Variants in GGTLC1 observed in about 807,000 individuals in gnomAD.
The protein encoded by GGTLC1 is glutathione hydrolase light chain 1.
Under a neutral mutation model 19.5 loss-of-function variants are expected in GGTLC1, and 14 were observed. That is an observed-to-expected ratio of 0.72 (90% CI 0.47 to 1.12). The LOEUF (loss-of-function observed/expected upper bound fraction) is 1.12. Ranked by LOEUF, GGTLC1 falls within the 50% of genes most tolerant of loss-of-function variation. The probability of loss-of-function intolerance (pLI) is 0.00; values close to 1 mark genes in which losing one functional copy is unlikely to be tolerated. For synonymous variants in GGTLC1, 110 were observed against 124.2 expected (o/e 0.89, Z 0.76); for missense variants, 304 against 309.2 (o/e 0.98, Z 0.13).
chr20:23,985,437 C>T (rs1257604490), intron 5 of GGTLC1, 75 bp from the exon 6 acceptor site: 31 of 1,610,516 alleles, frequency 1.9e-5, no homozygotes, highest in Non-Finnish European at 5.9e-6. Flanking sequence ...TGGTCACAGG[C>T]CTCAGCCCAG....
chr20:23,988,010 G>T (rs1988039722), intron 1 of GGTLC1, among the ~76,000 whole-genome samples: 1 of 109,484 alleles, frequency 9.1e-6, no homozygotes, highest in African/African-American at 3.8e-5. Context: ...CAGGCCACTG[G>T]AATCCAGGCT....
rs760816047 is a variant in GGTLC1 at position 23,985,726 on chromosome 20, G to A, written c.472C>T (p.Pro158Ser). ...GGCAGAAGCTGGTTGTGCAGCCGGG[G>A]CTCCTCCACGGCCCACTTCACGTCA... ...GYDVKWAVEEPRLHNQLLPNV... is the reference protein window; with the variant it reads ...GYDVKWAVEESRLHNQLLPNV... The change falls in exon 5 of 6, where the codon CCC (proline) becomes TCC (serine). Residue 158 changes from proline (P) to serine (S), a missense_variant. By Grantham distance (74) the Pro-to-Ser change is moderately conservative (BLOSUM62 -1). Transcript: ENST00000335694. 5.6e-6 allele frequency: 9 copies of A among 1,612,034 alleles called. No individual in the cohort carries two copies. The highest frequency in any genetic ancestry group is 1.7e-5 in the Admixed American group (1 of 60,024).
At chr20:23,986,344 G>T (rs1987911006) in intron 2 of GGTLC1, 92 bp downstream of exon 2, 1 of 1,598,750 alleles carries the variant, frequency 6.3e-7, no homozygotes, top group African/African-American at 1.3e-5. Context: ...ACCAGGAAAA[G>T]AGGTGATGGA....
Position 23,985,142 on chromosome 20 carries a change from C to T in GGTLC1, c.*74G>A. The T allele has an allele frequency of 2.5e-6, 4 of 1,603,052 alleles. No individual in the cohort carries two copies. Among genetic ancestry groups the T allele is most frequent in the Non-Finnish European group, 3.4e-6 (4 of 1,174,780 alleles). ...TGCTGCTCACAGGAGAAGCCTGTCC[C>T]CCAAAGTCCTCTTCCTCGTCCTGGT... is the stretch of plus-strand genomic sequence containing the variant. On this transcript the variant is annotated 3_prime_UTR_variant, in exon 6 of 6. Transcript: ENST00000335694.
intron 5 of GGTLC1, 119 bp downstream of exon 5, chr20:23,985,548 T>C: frequency 1.3e-6 from 2 of 1,588,950 alleles, no homozygotes; most frequent in Non-Finnish European, 1.7e-6. Context: ...GGGCTCCAGA[T>C]GGCCCAGGCA....
At chr20:23,985,479 G>C in intron 5 of GGTLC1, 117 bp from the exon 6 acceptor site, 3 of 1,601,940 alleles carry the variant, frequency 1.9e-6, no homozygotes, top group Non-Finnish European at 2.6e-6. Flanking sequence ...TCATCAGGAA[G>C]AGCAGGTTGG....
In GGTLC1 at chr20:23,986,542, A is replaced by C. The variant is rs1398930432; in HGVS notation, c.70T>G (p.Tyr24Asp). The change falls in exon 2 of 6, where the codon TAC (tyrosine) becomes GAC (aspartate). Residue 24 changes from tyrosine to aspartate, a missense_variant. Tyr to Asp is a radical substitution (Grantham distance 160). Coordinates refer to ENST00000335694, the MANE Select transcript of GGTLC1 (RefSeq NM_178311.3). ...GGCATGTAGAACTCGGGCTTGTAGTAGGAGATCGGGTGAGTGGTGTCGTCA... is the reference window on the plus strand; with the variant it reads ...GGCATGTAGAACTCGGGCTTGTAGTCGGAGATCGGGTGAGTGGTGTCGTCA... Reference protein sequence around the residue: ...ISDDTTHPISYYKPEFYMPDD... With the variant: ...ISDDTTHPISDYKPEFYMPDD... 5.0e-6 allele frequency: 8 copies of C among 1,611,172 alleles called. No homozygotes were observed. The African/African-American group carries it at 9.4e-5, about 19-fold the overall frequency.
At chr20:23,987,695 A>T (rs1320015815) in intron 1 of GGTLC1, among the ~76,000 whole-genome samples, 1 of 151,818 alleles carries the variant, frequency 6.6e-6, no homozygotes, top group African/African-American at 2.4e-5. Context: ...CAAGGAGGAG[A>T]CAGAGAGGAT....
intron 5 of GGTLC1, 83 bp from the exon 6 acceptor site, chr20:23,985,445 C>A: frequency 6.2e-7 from 1 of 1,609,696 alleles, no homozygotes; most frequent in Non-Finnish European, 8.5e-7. Context: ...GGCCTCAGCC[C>A]AGGTGGTGCC....
In GGTLC1 at chr20:23,985,856, A is replaced by T. The variant is rs747394992; in HGVS notation, c.417+6T>A. ...CACGGCCAGGGAGAAAAGGTGTGAC[A>T]CATACCAGTGCAGTGGCCATGGTGA... On this transcript the variant is annotated splice_donor_region_variant and intron_variant, in intron 4 of 5. Coordinates refer to ENST00000335694, the MANE Select transcript of GGTLC1 (RefSeq NM_178311.3). 1.2e-6 allele frequency: 2 copies of T among 1,612,064 alleles called. No individual in the cohort carries two copies. Among genetic ancestry groups the T allele is most frequent in the Non-Finnish European group, 1.7e-6 (2 of 1,179,870 alleles).
chr20:23,987,330 C>T (rs1427921079), intron 1 of GGTLC1, among the ~76,000 whole-genome samples: 8 of 152,128 alleles, frequency 5.3e-5, no homozygotes, highest in East Asian at 3.9e-4. Context: ...CACAGGGTCC[C>T]TCTGGCAGCT....
In GGTLC1 at chr20:23,986,586, T is replaced by G; in HGVS notation, c.26A>C (p.Gln9Pro). MTSEFFSA[Q>P]LRAQISDDTT... Reference sequence around the variant, plus strand: ...GTCGTCAGAGATCTGGGCCCGGAGCTGGGCAGAGAAGAACTCGGAGGTCAT... The same window carrying G: ...GTCGTCAGAGATCTGGGCCCGGAGCGGGGCAGAGAAGAACTCGGAGGTCAT... Residue 9 changes from glutamine (Q) to proline (P), a missense_variant, in exon 2 of 6, where the codon CAG becomes CCG. Gln to Pro is a moderately conservative substitution (Grantham distance 76, BLOSUM62 -1). Transcript: ENST00000335694. 1 of 1,435,280 alleles carries G rather than the reference T, an allele frequency of 7.0e-7. No homozygotes were observed. Among genetic ancestry groups the G allele is most frequent in the Non-Finnish European group, 9.3e-7 (1 of 1,069,992 alleles). The allele number at this position is 1,435,280 out of a possible 1,614,324, so 88.9% of individuals were successfully genotyped here.
rs939052451 is a variant in GGTLC1, at chr20:23,985,967, C to A, written c.312G>T (p.Gln104His). 3.1e-6 allele frequency: 5 copies of A among 1,611,880 alleles called. No individual in the cohort carries two copies. The highest frequency in any genetic ancestry group is 4.2e-6 in the Non-Finnish European group (5 of 1,179,870). ...TCGTCGGGCACATGGACGAGAGCGG[C>A]TGCTTCCCTGCGGCCAATGGGAGAA... is the stretch of plus-strand genomic sequence containing the variant. ...SPANFIQPGK[Q>H]PLSSMCPTIM... Residue 104 changes from glutamine to histidine, a missense_variant, in exon 4 of 6, where the codon CAG (glutamine) becomes CAT (histidine). Transcript: ENST00000335694.
Position 23,988,767 on chromosome 20 carries a change from C to G in GGTLC1, c.-193G>C. The G allele has an allele frequency of 4.0e-6, 1 of 249,322 alleles. No individual in the cohort carries two copies. Among genetic ancestry groups the G allele is most frequent in the Non-Finnish European group, 7.9e-6 (1 of 126,540 alleles). The allele number at this position is 249,322 out of a possible 1,614,324, so 15.4% of individuals were successfully genotyped here. Reference sequence around the variant, plus strand: ...TTGGCGGCTGGACGAGGACGCAGAGCCCAGCTCTCGAGAGTTCAAGCAACC... The same window carrying G: ...TTGGCGGCTGGACGAGGACGCAGAGGCCAGCTCTCGAGAGTTCAAGCAACC... On this transcript the variant is annotated 5_prime_UTR_variant, in exon 1 of 6. Transcript: ENST00000335694.
Position 23,986,603 on chromosome 20 carries a change from G to C in GGTLC1, c.9C>G (p.Ser3=). 2 of 1,611,424 alleles carry C rather than the reference G, an allele frequency of 1.2e-6. No individual in the cohort carries two copies. The highest frequency in any genetic ancestry group is 1.7e-6 in the Non-Finnish European group (2 of 1,179,648). Residue 3 remains serine, a synonymous_variant, in exon 2 of 6, where the codon TCC becomes TCG. Transcript: ENST00000335694. ...CCCGGAGCTGGGCAGAGAAGAACTC[G>C]GAGGTCATGTCGCGGACCACCTGCC... The part of the protein sequence containing the change: MT[S]EFFSAQLRAQ...
At position 23,985,161 on chromosome 20, in the gene GGTLC1, T is replaced by C; in HGVS notation, c.*55A>G. 2 of 1,611,114 alleles carry C rather than the reference T, an allele frequency of 1.2e-6. No homozygotes were observed. Among genetic ancestry groups the C allele is most frequent in the South Asian group, 2.2e-5 (2 of 90,814 alleles). Reference sequence around the variant, plus strand: ...CTGTCCCCCAAAGTCCTCTTCCTCGTCCTGGTGAGTATTTTGTTCCTGGAT... The same window carrying C: ...CTGTCCCCCAAAGTCCTCTTCCTCGCCCTGGTGAGTATTTTGTTCCTGGAT... On this transcript the variant is annotated 3_prime_UTR_variant, in exon 6 of 6. Transcript: ENST00000335694.
chr20:23,986,510 G>A lies in GGTLC1; in HGVS notation c.102C>T (p.Asp34=), dbSNP rs146964922. The A allele has an allele frequency of 5.3e-5, 86 of 1,612,020 alleles. No homozygotes were observed. The African/African-American group carries it at 5.6e-4, about 10-fold the overall frequency. ...YYKPEFYMPD[D]GGTAHLSVVA... is the part of the protein sequence containing the mutation. ...CCACAGACAGGTGAGCAGTGCCCCC[G>A]TCATCCGGCATGTAGAACTCGGGCT... Residue 34 remains aspartate (D), a synonymous_variant, in exon 2 of 6, where the codon GAC becomes GAT. Coordinates refer to ENST00000335694, the MANE Select transcript of GGTLC1 (RefSeq NM_178311.3).
chr20:23,985,498 G>T (rs1419285411), intron 5 of GGTLC1, 136 bp from the exon 6 acceptor site: 1 of 1,590,648 alleles, frequency 6.3e-7, no homozygotes, highest in Non-Finnish European at 8.6e-7. Flanking sequence ...GGGGCCTGCT[G>T]GGTCTCATTG....
Position 23,985,191 on chromosome 20 carries a change from T to C in GGTLC1, c.*25A>G, listed in dbSNP as rs1477442777. The C allele has an allele frequency of 6.2e-6, 10 of 1,611,852 alleles. No individual in the cohort carries two copies. In the African/African-American group the frequency reaches 1.3e-4, roughly 22 times the overall value. On this transcript the variant is annotated 3_prime_UTR_variant, in exon 6 of 6. Coordinates refer to ENST00000335694, the MANE Select transcript of GGTLC1 (RefSeq NM_178311.3). ...GTGAGTATTTTGTTCCTGGATTGCT[T>C]GTCAGCCTTGTCCGCCTGGAGCAAT...
Sources: allele counts gnomAD v4.1 joint callset (sites outside exome capture counted in the v4.1 genomes callset), GRCh38; gene constraint gnomAD v4.1.1; transcripts MANE v1.5; gene names NCBI Gene and HGNC (gene_info 2026-07-23, HGNC 2026-07-21).